MAPK10: variants seen among roughly 807,000 people sequenced by gnomAD.
MAPK10 encodes mitogen-activated protein kinase 10.
Under a neutral mutation model 59.3 loss-of-function variants are expected in MAPK10, and 25 were observed. The ratio of observed to expected loss-of-function variants is 0.42; its 90% CI spans 0.31 to 0.59. The LOEUF (loss-of-function observed/expected upper bound fraction) is 0.59. MAPK10 is among the 20% of genes least tolerant of loss of function. MAPK10 has a pLI of 0.15. For synonymous variants in MAPK10, 190 were observed against 200.5 expected (o/e 0.95, Z 0.44); for missense variants, 351 against 568.9 (o/e 0.62, Z 3.90).
chr4:86,589,583 G>A (rs1178241561), intron 1 of MAPK10, among the ~76,000 whole-genome samples: 2 of 151,942 alleles, frequency 1.3e-5, no homozygotes, highest in Non-Finnish European at 2.9e-5. Context: ...TCGGGAGGCT[G>A]AGGCAGGAGA....
intron 4 of MAPK10, among the ~76,000 whole-genome samples, chr4:86,115,438 T>G (rs1314782867): frequency 6.6e-6 from 1 of 152,058 alleles, no homozygotes; most frequent in Non-Finnish European, 1.5e-5. Context: ...CTGTTTTCAT[T>G]CTTCTCAGTG....
At chr4:86,125,114 C>T (rs1335466617) in intron 4 of MAPK10, 1 of 151,798 alleles carries the variant, frequency 6.6e-6, no homozygotes, top group African/African-American at 2.4e-5. Flanking sequence ...TTAGCAGATA[C>T]CTAAGCCCCT....
intron 2 of MAPK10, among the ~76,000 whole-genome samples, chr4:86,242,181 G>C (rs1031487958): frequency 1.3e-5 from 2 of 152,068 alleles, no homozygotes; most frequent in Non-Finnish European, 2.9e-5. Flanking sequence ...AATGCCTGGA[G>C]ATGTCATTCA....
intron 3 of MAPK10, among the ~76,000 whole-genome samples, chr4:86,176,835 A>G (rs1229088103): frequency 1.3e-5 from 2 of 152,100 alleles, no homozygotes; most frequent in Non-Finnish European, 1.5e-5. Flanking sequence ...ATTTCAACAT[A>G]CAAGATATAT....
At chr4:86,249,082 A>G (rs1034205462) in intron 2 of MAPK10, among the ~76,000 whole-genome samples, 2 of 152,250 alleles carry the variant, frequency 1.3e-5, no homozygotes, top group East Asian at 1.9e-4. Context: ...TCCCTTGGCC[A>G]TATCAACCTC....
intron 3 of MAPK10, among the ~76,000 whole-genome samples, chr4:86,173,575 G>T (rs1017910236): frequency 1.3e-5 from 2 of 152,158 alleles, no homozygotes; most frequent in African/African-American, 4.8e-5. Flanking sequence ...CATGGGCAAA[G>T]ATTTTATGAT....
chr4:86,209,488 C>T (rs1481210043), intron 2 of MAPK10, among the ~76,000 whole-genome samples: 1 of 151,902 alleles, frequency 6.6e-6, no homozygotes, highest in African/African-American at 2.4e-5. Flanking sequence ...ATGAAGAAAG[C>T]CCACACCAAT....
intron 2 of MAPK10, among the ~76,000 whole-genome samples, chr4:86,204,135 T>C (rs1582729877): frequency 6.6e-6 from 1 of 151,980 alleles, no homozygotes; most frequent in African/African-American, 2.4e-5. Flanking sequence ...AAGATACTTA[T>C]TAGTTGGCCT....
intron 2 of MAPK10, among the ~76,000 whole-genome samples, chr4:86,257,442 T>C (rs895885944): frequency 6.6e-6 from 1 of 152,236 alleles, no homozygotes; most frequent in African/African-American, 2.4e-5. Context: ...GTCTTAAATG[T>C]TGCTAAATCT....
rs116056091 is a variant in MAPK10, at chr4:86,155,104, T to A, written c.236+4194A>T. Among the ~76,000 whole-genome samples, 883 of 152,142 alleles carry A rather than the reference T, an allele frequency of 5.8e-3. 2 individuals are homozygous for A. The highest frequency in any genetic ancestry group is 0.02 in the African/African-American group (844 of 41,544). On this transcript the variant is annotated intron_variant, in intron 4 of 13. Transcript: ENST00000641462. Reference sequence around the variant, plus strand: ...GTGCGGATGGAGTAAATCAAATTCATCATCAAAATGGAAAAAGCTGCTAAA... The same window carrying A: ...GTGCGGATGGAGTAAATCAAATTCAACATCAAAATGGAAAAAGCTGCTAAA...
chr4:86,325,015 G>A (rs1220456976), intron 2 of MAPK10, among the ~76,000 whole-genome samples: 1 of 152,104 alleles, frequency 6.6e-6, no homozygotes, highest in Non-Finnish European at 1.5e-5. Context: ...TTTCAGACAA[G>A]GACTTTTACA....
At chr4:86,205,784 CAT>C (rs2083695250) in intron 2 of MAPK10, among the ~76,000 whole-genome samples, 1 of 151,840 alleles carries the variant, frequency 6.6e-6, no homozygotes, top group South Asian at 2.1e-4. Flanking sequence ...AAAACACACA[CAT>C]ATATTTCACC....
intron 1 of MAPK10, among the ~76,000 whole-genome samples, chr4:86,385,790 CTA>C (rs1741376605): frequency 6.6e-6 from 1 of 152,150 alleles, no homozygotes; most frequent in Non-Finnish European, 1.5e-5. Flanking sequence ...GGTATAATCT[CTA>C]TGATGTCAGG....
At chr4:86,494,163 T>C (rs934463523) in intron 1 of MAPK10, among the ~76,000 whole-genome samples, 1 of 152,208 alleles carries the variant, frequency 6.6e-6, no homozygotes, top group Non-Finnish European at 1.5e-5. Flanking sequence ...TACCAGCTAT[T>C]CACTAGATTT....
chr4:86,193,312 G>A (rs1162756767), intron 3 of MAPK10: 2 of 152,452 alleles, frequency 1.3e-5, no homozygotes, highest in Non-Finnish European at 2.9e-5. Flanking sequence ...CTTCAGAGCT[G>A]GCAGGCAGGA....
intron 9 of MAPK10, among the ~76,000 whole-genome samples, chr4:86,078,655 G>T (rs375104404): frequency 3.3e-5 from 5 of 151,358 alleles, no homozygotes; most frequent in East Asian, 1.9e-4. Context: ...TCTGAATCTA[G>T]ATTTTCATGG....
chr4:86,147,026 C>T (rs955953595), intron 4 of MAPK10, among the ~76,000 whole-genome samples: 4 of 152,038 alleles, frequency 2.6e-5, no homozygotes, highest in Non-Finnish European at 1.5e-5. Context: ...TATGAGCGAT[C>T]TTAGTATGGG....
At chr4:86,386,582 GT>G (rs146855754) in intron 1 of MAPK10, among the ~76,000 whole-genome samples, 17 of 150,168 alleles carry the variant, frequency 1.1e-4, no homozygotes, top group East Asian at 5.9e-4. Context: ...GCTTTTCAGA[GT>G]TTTTTTTTTC....
intron 2 of MAPK10, among the ~76,000 whole-genome samples, chr4:86,335,995 A>G (rs1721083495): frequency 6.6e-6 from 1 of 152,224 alleles, no homozygotes; most frequent in African/African-American, 2.4e-5. Flanking sequence ...TGTATCAACT[A>G]CATTATTCAT....
Sources: gnomAD v4.1 joint callset for allele counts (sites outside exome capture counted in the v4.1 genomes callset) on GRCh38, gnomAD v4.1.1 for gene constraint, MANE v1.5 for transcripts, NCBI Gene and HGNC (gene_info 2026-07-23, HGNC 2026-07-21) for gene names.